Variants in C6orf89 observed in about 807,000 individuals in gnomAD.
C6orf89 encodes chromosome 6 open reading frame 89, also known as bombesin receptor-activated protein C6orf89.
C6orf89 carries 29 observed loss-of-function variants against 40.7 expected under a neutral mutation model. The observed-to-expected ratio is 0.71, with a 90% CI of 0.53 to 0.97. The LOEUF is 0.97. Ranked by LOEUF, C6orf89 falls within the 50% of genes least tolerant of loss-of-function variation. The pLI is 0.00. For missense variants in C6orf89, 392 were observed against 429.1 expected (o/e 0.91, Z 0.76); for synonymous variants, 165 against 152.2 (o/e 1.08, Z -0.62).
chr6:36,914,250 G>A (rs1415090947), intron 4 of C6orf89, 34 bp from the exon 5 acceptor site: 4 of 1,581,522 alleles, frequency 2.5e-6, no homozygotes, highest in Non-Finnish European at 1.7e-6. Flanking sequence ...TGCTCTTTCA[G>A]TATCTGTTTT....
upstream of C6orf89, among the ~76,000 whole-genome samples, chr6:36,880,974 A>G (rs1774790547): frequency 6.6e-6 from 1 of 152,230 alleles, no homozygotes; most frequent in African/African-American, 2.4e-5. Flanking sequence ...TAGGCCTCCT[A>G]AATGCTTCAT....
intron 1 of C6orf89, among the ~76,000 whole-genome samples, chr6:36,876,739 A>AG (rs1324854152): frequency 1.2e-4 from 15 of 125,602 alleles, no homozygotes; most frequent in East Asian, 2.0e-4. Context: ...AAAAAAAAAA[A>AG]AAGAAGAAGA....
At chr6:36,898,320 C>G (rs1222853161) in intron 2 of C6orf89, among the ~76,000 whole-genome samples, 1 of 148,392 alleles carries the variant, frequency 6.7e-6, no homozygotes, top group East Asian at 2.0e-4. Context: ...GCTCTTGTTG[C>G]CCAGGCTGGA....
chr6:36,919,126 A>G (rs115475716), intron 7 of C6orf89, among the ~76,000 whole-genome samples: 44 of 152,382 alleles, frequency 2.9e-4, no homozygotes, highest in African/African-American at 1.0e-3. Flanking sequence ...AAAAGTTTTC[A>G]TCAAACCAGA....
upstream of C6orf89, among the ~76,000 whole-genome samples, chr6:36,883,511 G>T (rs1345334676): frequency 6.6e-6 from 1 of 152,074 alleles, no homozygotes; most frequent in South Asian, 2.1e-4. Flanking sequence ...ATTAAAAGTG[G>T]GTCTATTATA....
upstream of C6orf89, chr6:36,883,110 A>C (rs1301693200): frequency 6.6e-6 from 1 of 152,190 alleles, no homozygotes; most frequent in African/African-American, 2.4e-5. Context: ...TGATGTTATA[A>C]CAGTAGATTA....
At chr6:36,908,318 T>C (rs1185395139) in intron 4 of C6orf89, among the ~76,000 whole-genome samples, 1 of 152,196 alleles carries the variant, frequency 6.6e-6, no homozygotes, top group Non-Finnish European at 1.5e-5. Flanking sequence ...GGGGCCAGCC[T>C]TCTGAGATGA....
rs1474089189 is a variant in C6orf89 at position 36,924,955 on chromosome 6, T to C, written c.*1514T>C. The C allele has an allele frequency of 6.6e-6, 1 of 152,184 alleles. No individual in the cohort carries two copies. The highest frequency in any genetic ancestry group is 2.4e-5 in the African/African-American group (1 of 41,428). 9.4% of individuals were successfully genotyped at this position (152,184 alleles called of 1,614,324 possible). ...CCATTGAGCACTTGAATGGCCTGTTTGTCTATGGGCTTGCAAAGGACAAGC... is the reference window on the plus strand; with the variant it reads ...CCATTGAGCACTTGAATGGCCTGTTCGTCTATGGGCTTGCAAAGGACAAGC... On this transcript the variant is annotated 3_prime_UTR_variant, in exon 9 of 9. Transcript: ENST00000480824.
chr6:36,896,647 G>GT (rs1435342834), intron 2 of C6orf89, among the ~76,000 whole-genome samples: 2 of 152,032 alleles, frequency 1.3e-5, no homozygotes, highest in African/African-American at 4.8e-5. Context: ...TCTACAAAAA[G>GT]TTTTTAATTT....
At chr6:36,915,202 G>A (rs896236058) in intron 6 of C6orf89, among the ~76,000 whole-genome samples, 1 of 152,130 alleles carries the variant, frequency 6.6e-6, no homozygotes, top group Non-Finnish European at 1.5e-5. Flanking sequence ...CACCATGGGG[G>A]GGACAGCAAG....
chr6:36,871,902 A>G, exon 1 of C6orf89: 2 of 1,544,834 alleles, frequency 1.3e-6, no homozygotes, highest in Non-Finnish European at 1.7e-6. Context: ...CAGCTCCAGT[A>G]AACAAAAAGG....
At chr6:36,911,983 G>C (rs1283543402) in intron 4 of C6orf89, among the ~76,000 whole-genome samples, 1 of 130,038 alleles carries the variant, frequency 7.7e-6, no homozygotes, top group African/African-American at 2.9e-5. Context: ...AATATAACCA[G>C]ATCTTCCTTT....
intron 2 of C6orf89, among the ~76,000 whole-genome samples, chr6:36,899,188 A>C (rs1761565437): frequency 1.3e-5 from 2 of 152,076 alleles, no homozygotes; most frequent in Admixed American, 1.3e-4. Flanking sequence ...CTAGTTTGGG[A>C]ACTAGTGCAG....
At chr6:36,894,992 C>G (rs761665525) in intron 2 of C6orf89, among the ~76,000 whole-genome samples, 2 of 152,174 alleles carry the variant, frequency 1.3e-5, no homozygotes, top group Non-Finnish European at 2.9e-5. Context: ...ATTGGCAAAG[C>G]TTGTCTCCAG....
At position 36,925,740 on chromosome 6, in the gene C6orf89, C is replaced by A. The variant is rs1319915731; in HGVS notation, c.*2299C>A. 1.3e-5 allele frequency: 2 copies of A among 152,170 alleles called. No homozygotes were observed. The highest frequency in any genetic ancestry group is 2.9e-5 in the Non-Finnish European group (2 of 68,042). The allele number at this position is 152,170 out of a possible 1,614,324, so 9.4% of individuals were successfully genotyped here. A position where few individuals can be genotyped will look rare whatever the true frequency, so the allele number is the denominator to read the frequency against. ...AGTGGCTAGGGGTTGCCAGCCAGTCCCTTTCTGATGATCAAGGCCCTGCAC... is the reference window on the plus strand; with the variant it reads ...AGTGGCTAGGGGTTGCCAGCCAGTCACTTTCTGATGATCAAGGCCCTGCAC... On this transcript the variant is annotated 3_prime_UTR_variant, in exon 9 of 9. Coordinates refer to ENST00000480824, the MANE Select transcript of C6orf89 (RefSeq NM_001286635.2).
At chr6:36,920,799 G>A (rs1220178685) in intron 8 of C6orf89, among the ~76,000 whole-genome samples, 1 of 152,088 alleles carries the variant, frequency 6.6e-6, no homozygotes, top group East Asian at 1.9e-4. Flanking sequence ...TGACTATTGC[G>A]AAAATCTCTC....
chr6:36,895,075 A>G lies in C6orf89; in HGVS notation c.-20+472A>G, dbSNP rs543568413. ...TATAGAGAACCAAAAAGTCATTGGC[A>G]TGGCAAATCATGCCTTGCTTCTTCC... On this transcript the variant is annotated intron_variant, in intron 2 of 8. Coordinates refer to ENST00000480824, the MANE Select transcript of C6orf89 (RefSeq NM_001286635.2). Among the ~76,000 whole-genome samples the G allele has an allele frequency of 4.6e-5, 7 of 152,318 alleles. No homozygotes were observed. The South Asian group carries it at 1.4e-3, about 32-fold the overall frequency.
chr6:36,884,426 A>T (rs1774906215), upstream of C6orf89, among the ~76,000 whole-genome samples: 1 of 152,152 alleles, frequency 6.6e-6, no homozygotes, highest in Admixed American at 6.6e-5. This position sits in a 1 kb window ranked among gnomAD's most constrained non-coding sequence, Gnocchi z 4.0. Flanking sequence ...AACTCTTGCT[A>T]TTATCCGCCC....
chr6:36,897,123 C>CT (rs1761459213), intron 2 of C6orf89, among the ~76,000 whole-genome samples: 1 of 109,996 alleles, frequency 9.1e-6, no homozygotes, highest in Non-Finnish European at 1.7e-5. Context: ...GAGCAAGACT[C>CT]TGTCTCAAAA....
Sources: allele counts gnomAD v4.1 joint callset (sites outside exome capture counted in the v4.1 genomes callset), GRCh38; gene constraint gnomAD v4.1.1; non-coding constraint Gnocchi (gnomAD v3.1); transcripts MANE v1.5; gene names NCBI Gene and HGNC (gene_info 2026-07-23, HGNC 2026-07-21).